HSPA9: variants seen among roughly 807,000 people sequenced by gnomAD.
HSPA9 encodes the protein heat shock protein family A (Hsp70) member 9, also known as stress-70 protein, mitochondrial.
HSPA9 carries 28 observed loss-of-function variants against 81.5 expected under a neutral mutation model. That is an observed-to-expected ratio of 0.34 (90% CI 0.25 to 0.47). The LOEUF is 0.47. Among genes scored for constraint, HSPA9 ranks in the 20% least tolerant of loss-of-function variants. The pLI is 1.00. For synonymous variants in HSPA9, 293 were observed against 290.4 expected, an observed-to-expected ratio of 1.01 and a Z score of -0.09; for missense variants, 678 against 838.0, an observed-to-expected ratio of 0.81 and a Z score of 2.36.
At position 138,575,263 on chromosome 5, in the gene HSPA9, C is replaced by T; in HGVS notation, c.56G>A (p.Arg19Gln). The T allele has an allele frequency of 6.2e-6, 10 of 1,610,102 alleles. No homozygotes were observed. Among genetic ancestry groups the T allele is most frequent in the South Asian group, 3.3e-5 (3 of 90,474 alleles). ...CTGGTGGCGGGCGGCCGTAGGGCCCCGGGAGGCTGCGGCGCCCACGAGACG... is the reference window on the plus strand; with the variant it reads ...CTGGTGGCGGGCGGCCGTAGGGCCCTGGGAGGCTGCGGCGCCCACGAGACG... ...AARLVGAAAS[R>Q]GPTAARHQDS... The change falls in exon 1 of 17, where the codon CGG (arginine) becomes CAG (glutamine). Residue 19 changes from arginine (R) to glutamine (Q), a missense_variant. Arg to Gln is a conservative substitution (Grantham distance 43). This residue lies in a region of HSPA9 where 89 missense variants were observed against 70.4 expected (regional missense o/e 1.27). Coordinates refer to ENST00000297185, the MANE Select transcript of HSPA9 (RefSeq NM_004134.7).
intron 9 of HSPA9, among the ~76,000 whole-genome samples, chr5:138,562,455 G>T (rs1168101359): frequency 1.3e-5 from 2 of 151,918 alleles, no homozygotes; most frequent in African/African-American, 4.8e-5. Flanking sequence ...GGAGGCTGAG[G>T]CAGGAGAATC....
intron 15 of HSPA9, 53 bp downstream of exon 15, chr5:138,556,721 G>T: frequency 6.4e-7 from 1 of 1,558,574 alleles, no homozygotes; most frequent in Non-Finnish European, 8.9e-7. Context: ...AAACTTCACT[G>T]GCATTGGTAA....
At chr5:138,556,630 T>C in intron 15 of HSPA9, 38 bp from the exon 16 acceptor site, 1 of 1,610,112 alleles carries the variant, frequency 6.2e-7, no homozygotes, top group Non-Finnish European at 8.5e-7. Context: ...CTTTTCCAGG[T>C]CTCCTGTACC....
In HSPA9 at chr5:138,567,262, C is replaced by A. The variant is rs922732241; in HGVS notation, c.717-99G>T. 51 of 1,124,108 alleles carry A rather than the reference C, an allele frequency of 4.5e-5. No individual in the cohort carries two copies. In the African/African-American group the frequency reaches 5.3e-4, roughly 12 times the overall value. 69.6% of individuals were successfully genotyped at this position (1,124,108 alleles called of 1,614,324 possible). On this transcript the variant is annotated intron_variant, in intron 7 of 16. Coordinates refer to ENST00000297185, the MANE Select transcript of HSPA9 (RefSeq NM_004134.7). ...AATAACCAAATACAGATAATCTAAG[C>A]TATTTCCCTGAGATATGTACTAGTT... is the stretch of plus-strand genomic sequence containing the variant.
chr5:138,574,721 G>T, intron 1 of HSPA9: 1 of 162,548 alleles, frequency 6.2e-6, no homozygotes, highest in Non-Finnish European at 1.3e-5. Flanking sequence ...CCTTTTCTCC[G>T]CCCCACGATC....
At chr5:138,565,889 A>T (rs1658395280) in intron 9 of HSPA9, among the ~76,000 whole-genome samples, 1 of 152,210 alleles carries the variant, frequency 6.6e-6, no homozygotes, top group African/African-American at 2.4e-5. Context: ...TCAAATTATT[A>T]AGTGAGAGAC....
At chr5:138,561,464 C>G (rs1428275345) in intron 10 of HSPA9, 116 bp downstream of exon 10, 6 of 793,106 alleles carry the variant, frequency 7.6e-6, no homozygotes, top group African/African-American at 5.1e-5. Context: ...AGTATATAAT[C>G]TCATCTCCCT....
At chr5:138,573,640 C>CAAAA (rs1751001394) in intron 3 of HSPA9, 123 bp downstream of exon 3, 1 of 423,660 alleles carries the variant, frequency 2.4e-6, no homozygotes, top group South Asian at 1.9e-5. Flanking sequence ...GAGACTGTCT[C>CAAAA]CAAAAAAAAA....
rs779972343 is a variant in HSPA9, at chr5:138,575,247, G to A, written c.72C>T (p.Ala24=). Residue 24 remains alanine, a synonymous_variant, in exon 1 of 17, where the codon GCC becomes GCT. Transcript: ENST00000297185. ...GAAASRGPTA[A]RHQDSWNGLS... ...GGTCCCAGTTCCTCACCTGGTGGCG[G>A]GCGGCCGTAGGGCCCCGGGAGGCTG... 4.4e-6 allele frequency: 7 copies of A among 1,603,388 alleles called. No homozygotes were observed. In the Admixed American group the frequency reaches 5.1e-5, roughly 12 times the overall value.
rs1229721743 is a variant in HSPA9 at position 138,561,848 on chromosome 5, T to C, written c.973-59A>G. On this transcript the variant is annotated intron_variant, in intron 9 of 16. Coordinates refer to ENST00000297185, the MANE Select transcript of HSPA9 (RefSeq NM_004134.7). ...GCAGGCCAAATGACGGTTACATTTA[T>C]TATTTCAACTAAAATATGACCATGC... The C allele has an allele frequency of 1.6e-5, 20 of 1,289,032 alleles. No homozygotes were observed. The Middle Eastern group carries it at 9.2e-4, about 59-fold the overall frequency. The allele number at this position is 1,289,032 out of a possible 1,614,324, so 79.8% of individuals were successfully genotyped here. A position where few individuals can be genotyped will look rare whatever the true frequency, so the allele number is the denominator to read the frequency against.
chr5:138,557,964 C>A lies in HSPA9; in HGVS notation c.1538G>T (p.Arg513Leu), dbSNP rs566636367. The change falls in exon 13 of 17, where the codon CGT (arginine) becomes CTT (leucine). Residue 513 changes from arginine to leucine, a missense_variant. Around this residue, in one of 4 missense-constraint regions of HSPA9, gnomAD observed 484 missense variants for 647.5 expected, o/e 0.75. Coordinates refer to ENST00000297185, the MANE Select transcript of HSPA9 (RefSeq NM_004134.7). ...FTLIGIPPAP[R>L]GVPQIEVTFD... ...TGTAACTTCAATCTGAGGAACTCCACGAGGGGCTGGTGGAATTCCAATCTA... is the reference window on the plus strand; with the variant it reads ...TGTAACTTCAATCTGAGGAACTCCAAGAGGGGCTGGTGGAATTCCAATCTA... 3 of 1,610,432 alleles carry A rather than the reference C, an allele frequency of 1.9e-6. No homozygotes were observed. Among genetic ancestry groups the A allele is most frequent in the African/African-American group, 2.7e-5 (2 of 74,794 alleles).
Position 138,567,126 on chromosome 5 carries a change from T to C in HSPA9, c.754A>G (p.Ile252Val), listed in dbSNP as rs1750784921. 4 of 1,613,214 alleles carry C rather than the reference T, an allele frequency of 2.5e-6. No homozygotes were observed. Among genetic ancestry groups the C allele is most frequent in the Non-Finnish European group, 3.4e-6 (4 of 1,179,580 alleles). Reference protein sequence around the residue: ...VYDLGGGTFDISILEIQKGVF... With the variant: ...VYDLGGGTFDVSILEIQKGVF... The stretch of plus-strand genomic sequence containing the variant: ...CCTTTCTGAATTTCCAGGATAGAAA[T>C]ATCAAAAGTTCCACCACCTAAATCA... The change falls in exon 8 of 17, where the codon ATT becomes GTT. Residue 252 changes from isoleucine to valine, a missense_variant. Around this residue, in one of 4 missense-constraint regions of HSPA9, gnomAD observed 484 missense variants for 647.5 expected, o/e 0.75. Coordinates refer to ENST00000297185, the MANE Select transcript of HSPA9 (RefSeq NM_004134.7).
chr5:138,568,690 T>C (rs1369490607), intron 5 of HSPA9, among the ~76,000 whole-genome samples: 1 of 151,912 alleles, frequency 6.6e-6, no homozygotes, highest in Admixed American at 6.6e-5. Flanking sequence ...GCTTTCAATA[T>C]AGAACATTAC....
chr5:138,573,135 C>T (rs1251395233), intron 3 of HSPA9, among the ~76,000 whole-genome samples: 10 of 152,120 alleles, frequency 6.6e-5, no homozygotes, highest in Non-Finnish European at 1.0e-4. Context: ...CCTTGTGATC[C>T]ACCCGCCTTG....
In HSPA9 at chr5:138,567,726, G is replaced by C. The variant is rs767879779; in HGVS notation, c.536-4C>G. ...GCTGTGTGCCCCAAGTAATTTTCTG[G>C]AAAAGAATGAAATTCAATCATGGAA... On this transcript the variant is annotated splice_region_variant and splice_polypyrimidine_tract_variant and intron_variant, in intron 5 of 16. Transcript: ENST00000297185. 2 of 1,604,758 alleles carry C rather than the reference G, an allele frequency of 1.2e-6. No homozygotes were observed. The highest frequency in any genetic ancestry group is 1.7e-6 in the Non-Finnish European group (2 of 1,171,912).
At chr5:138,568,187 A>T (rs1017134269) in intron 5 of HSPA9, among the ~76,000 whole-genome samples, 4 of 150,610 alleles carry the variant, frequency 2.7e-5, no homozygotes, top group African/African-American at 9.8e-5. Context: ...TCTTGTCTCA[A>T]AACAAACAAA....
Position 138,555,806 on chromosome 5 carries a change from G to A in HSPA9, c.*231C>T, listed in dbSNP as rs575501030. On this transcript the variant is annotated 3_prime_UTR_variant, in exon 17 of 17. Coordinates refer to ENST00000297185, the MANE Select transcript of HSPA9 (RefSeq NM_004134.7). The stretch of plus-strand genomic sequence containing the variant: ...ATCCTACCTCCTTTTACATGCAGCT[G>A]AAAAATGACAGGCTAGGGACATAGA... The A allele has an allele frequency of 5.3e-6, 3 of 567,626 alleles. No individual in the cohort carries two copies. Among genetic ancestry groups the A allele is most frequent in the Non-Finnish European group, 9.4e-6 (3 of 319,598 alleles). The allele number at this position is 567,626 out of a possible 1,614,324, so 35.2% of individuals were successfully genotyped here. A position where few individuals can be genotyped will look rare whatever the true frequency, so the allele number is the denominator to read the frequency against.
chr5:138,568,969 C>T lies in HSPA9; in HGVS notation c.491G>A (p.Ser164Asn). 6.2e-7 allele frequency: 1 copy of T among 1,614,032 alleles called. No homozygotes were observed. Among genetic ancestry groups the T allele is most frequent in the Non-Finnish European group, 8.5e-7 (1 of 1,179,916 alleles). The change falls in exon 5 of 17, where the codon AGT (serine) becomes AAT (asparagine). Residue 164 changes from serine (S) to asparagine (N), a missense_variant. Transcript: ENST00000297185. Reference protein sequence around the residue: ...VEAHGKLYSPSQIGAFVLMKM... With the variant: ...VEAHGKLYSPNQIGAFVLMKM... ...CATCAACACAAATGCTCCAATCTGA[C>T]TCGGAGAATACAATTTCCCATGAGC...
intron 16 of HSPA9, 118 bp from the exon 17 acceptor site, chr5:138,556,232 T>C: frequency 1.9e-6 from 2 of 1,031,212 alleles, no homozygotes; most frequent in African/African-American, 1.6e-5. Flanking sequence ...TCTATTCCAC[T>C]CCCCCTCCCC....
Sources: gnomAD v4.1 joint callset for allele counts (sites outside exome capture counted in the v4.1 genomes callset) on GRCh38, gnomAD v4.1.1 for gene constraint, gnomAD v4.1.1 regional missense constraint, MANE v1.5 for transcripts, NCBI Gene and HGNC (gene_info 2026-07-23, HGNC 2026-07-21) for gene names.